The following ATRN variants were observed in gnomAD, a reference collection of about 807,000 sequenced individuals.
The protein encoded by ATRN is attractin-2.
In ATRN, 54 loss-of-function variants were observed where a neutral mutation model predicts 178.7. That is an observed-to-expected ratio of 0.30 (90% CI 0.24 to 0.38). The LOEUF (loss-of-function observed/expected upper bound fraction) is 0.38. Among genes scored for constraint, ATRN ranks in the 10% least tolerant of loss-of-function variants. The pLI, the probability that ATRN is intolerant of heterozygous loss-of-function variation, is 1.00. For synonymous variants in ATRN, 636 were observed against 663.0 expected, an observed-to-expected ratio of 0.96 and a Z score of 0.63; for missense variants, 1,443 against 1,815.1, an observed-to-expected ratio of 0.79 and a Z score of 3.73.
At chr20:3,606,164 A>G (rs764057080) in intron 24 of ATRN, among the ~76,000 whole-genome samples, 4 of 151,872 alleles carry the variant, frequency 2.6e-5, no homozygotes, top group Non-Finnish European at 4.4e-5. Context: ...CACGCTTCTT[A>G]TTCCTGTTTT....
intron 14 of ATRN, among the ~76,000 whole-genome samples, chr20:3,578,050 G>A (rs763460817): frequency 1.9e-4 from 29 of 152,168 alleles, no homozygotes; most frequent in Non-Finnish European, 4.4e-5. Flanking sequence ...GTATGCTATA[G>A]CCATATCACT....
chr20:3,512,913 G>A (rs1434717291), intron 1 of ATRN, among the ~76,000 whole-genome samples: 5 of 152,176 alleles, frequency 3.3e-5, no homozygotes, highest in African/African-American at 1.2e-4. Context: ...CTTCTTTTGA[G>A]AAGTGTCTGT....
intron 1 of ATRN, among the ~76,000 whole-genome samples, chr20:3,527,176 A>G (rs574288383): frequency 1.3e-5 from 2 of 152,310 alleles, no homozygotes; most frequent in East Asian, 1.9e-4. Context: ...TTTGCAATCT[A>G]TCCATCTGAC....
At chr20:3,584,260 A>G (rs1879390542) in intron 17 of ATRN, among the ~76,000 whole-genome samples, 177 bp downstream of exon 17, 1 of 152,194 alleles carries the variant, frequency 6.6e-6, no homozygotes, top group Admixed American at 6.5e-5. Context: ...GAACCTTCAT[A>G]CAGAATCAGG....
At chr20:3,498,208 A>G (rs1014867142) in intron 1 of ATRN, among the ~76,000 whole-genome samples, 1 of 152,226 alleles carries the variant, frequency 6.6e-6, no homozygotes, top group Non-Finnish European at 1.5e-5. Context: ...CCAACCAAAA[A>G]GAGTCCAGGA....
chr20:3,646,475 A>G (rs1237724404), intron 28 of ATRN, among the ~76,000 whole-genome samples: 2 of 152,190 alleles, frequency 1.3e-5, no homozygotes, highest in African/African-American at 4.8e-5. Context: ...TTGCATAAGT[A>G]TACCCTCAAA....
chr20:3,596,233 C>G (rs17710146), intron 20 of ATRN, 144 bp from the exon 21 acceptor site: 33,951 of 786,352 alleles, frequency 0.043, 920 homozygotes, highest in Non-Finnish European at 0.053. Flanking sequence ...TCTTCCTAGA[C>G]TGCCTGAGCT....
intron 1 of ATRN, among the ~76,000 whole-genome samples, chr20:3,495,013 CAT>C (rs1568686999): frequency 6.6e-6 from 1 of 152,106 alleles, no homozygotes; most frequent in Non-Finnish European, 1.5e-5. Context: ...AATATTAAAA[CAT>C]ATAGAATTCA....
intron 6 of ATRN, among the ~76,000 whole-genome samples, chr20:3,558,011 T>C (rs886748032): frequency 3.3e-5 from 5 of 152,212 alleles, no homozygotes; most frequent in African/African-American, 1.2e-4. Flanking sequence ...TTAACACCAA[T>C]GGATTCACCA....
intron 2 of ATRN, among the ~76,000 whole-genome samples, chr20:3,536,582 A>AT (rs200606023): frequency 7.0e-6 from 1 of 142,946 alleles, no homozygotes; most frequent in African/African-American, 2.7e-5. Flanking sequence ...TTATTTATTC[A>AT]TTTAAAAGCA....
In ATRN at chr20:3,563,310, C is replaced by T. The variant is rs1482618238; in HGVS notation, c.1733C>T (p.Ser578Phe). Residue 578 changes from serine to phenylalanine, a missense_variant, in exon 10 of 29, where the codon TCT (serine) becomes TTT (phenylalanine). Physicochemically the swap from Ser to Phe is radical, Grantham distance 155. Transcript: ENST00000262919. ...GGAGGAAACACACACAATGACACAT[C>T]TATGAGCCATGGCGCCAAATGCTTC... ...VFGGNTHNDT[S>F]MSHGAKCFSS... 6.2e-7 allele frequency: 1 copy of T among 1,614,132 alleles called. No individual in the cohort carries two copies. Among genetic ancestry groups the T allele is most frequent in the Non-Finnish European group, 8.5e-7 (1 of 1,180,000 alleles).
In ATRN at chr20:3,565,380, G is replaced by A; in HGVS notation, c.1819G>A (p.Asp607Asn). ...CDRWSVLPRP[D>N]LHHDVNRFGH... ...CCGCTGGTCAGTGCTTCCCAGACCT[G>A]ATCTCCACCATGATGTCAACAGATT... Residue 607 changes from aspartate (D) to asparagine (N), a missense_variant, in exon 11 of 29, where the codon GAT becomes AAT. Physicochemically the swap from Asp to Asn is conservative, Grantham distance 23. Coordinates refer to ENST00000262919, the MANE Select transcript of ATRN (RefSeq NM_139321.3). 4 of 1,614,016 alleles carry A rather than the reference G, an allele frequency of 2.5e-6. No homozygotes were observed. The highest frequency in any genetic ancestry group is 3.4e-6 in the Non-Finnish European group (4 of 1,180,002).
chr20:3,477,580 G>T (rs1332317979), intron 1 of ATRN, among the ~76,000 whole-genome samples: 1 of 82,168 alleles, frequency 1.2e-5, no homozygotes, highest in Non-Finnish European at 2.4e-5. Flanking sequence ...GGGGCCTGGA[G>T]CATAGTTCAC....
At position 3,549,273 on chromosome 20, in the gene ATRN, T is replaced by G. The variant is rs779604268; in HGVS notation, c.1047T>G (p.Asn349Lys). ...LPRASHKAVV[N>K]GNIMWVVGGY... is the part of the protein sequence containing the mutation. ...GAGCATCTCATAAAGCTGTGGTCAA[T>G]GGAAACATTATGTGGGTTGTTGGAG... is the stretch of plus-strand genomic sequence containing the variant. The change falls in exon 6 of 29, where the codon AAT becomes AAG. Residue 349 changes from asparagine (N) to lysine (K), a missense_variant. Coordinates refer to ENST00000262919, the MANE Select transcript of ATRN (RefSeq NM_139321.3). 14 of 1,610,196 alleles carry G rather than the reference T, an allele frequency of 8.7e-6. No homozygotes were observed. The highest frequency in any genetic ancestry group is 1.2e-5 in the Non-Finnish European group (14 of 1,178,694).
intron 3 of ATRN, among the ~76,000 whole-genome samples, chr20:3,542,388 T>A (rs2085634876): frequency 6.6e-6 from 1 of 152,118 alleles, no homozygotes; most frequent in Non-Finnish European, 1.5e-5. Context: ...TCACCTGGAC[T>A]GTGTATTTGA....
At chr20:3,531,108 T>C (rs553075928) in intron 1 of ATRN, among the ~76,000 whole-genome samples, 1 of 152,344 alleles carries the variant, frequency 6.6e-6, no homozygotes, top group African/African-American at 2.4e-5. Flanking sequence ...CTGTAAAACT[T>C]GACCTGAAAT....
chr20:3,540,086 C>T, intron 2 of ATRN, 136 bp from the exon 3 acceptor site: 1 of 519,512 alleles, frequency 1.9e-6, no homozygotes, highest in Non-Finnish European at 3.3e-6. Context: ...AAATCTTTGA[C>T]AAATGAAGGA....
At chr20:3,502,905 G>A (rs1045911199) in intron 1 of ATRN, among the ~76,000 whole-genome samples, 2 of 152,150 alleles carry the variant, frequency 1.3e-5, no homozygotes, top group African/African-American at 4.8e-5. Context: ...AGAGATATGG[G>A]CAGGTAGGTG....
intron 27 of ATRN, among the ~76,000 whole-genome samples, chr20:3,642,446 C>T (rs1201164711): frequency 6.6e-6 from 1 of 152,258 alleles, no homozygotes; most frequent in Non-Finnish European, 1.5e-5. Context: ...TGGAATTGTT[C>T]TTGACTCATT....
Sources: allele counts gnomAD v4.1 joint callset (sites outside exome capture counted in the v4.1 genomes callset), GRCh38; gene constraint gnomAD v4.1.1; transcripts MANE v1.5; gene names NCBI Gene and HGNC (gene_info 2026-07-23, HGNC 2026-07-21).